Variants in FRMD4A observed in about 807,000 individuals in gnomAD.
FRMD4A encodes the protein FERM domain-containing protein 4A.
A neutral mutation model predicts 129.1 loss-of-function variants in FRMD4A; 29 were observed. The observed-to-expected ratio is 0.22, with a 90% confidence interval of 0.17 to 0.31. The LOEUF is 0.31. Among genes scored for constraint, FRMD4A ranks in the 10% least tolerant of loss-of-function variants. FRMD4A has a pLI of 1.00. For synonymous variants in FRMD4A, 634 were observed against 571.6 expected, an observed-to-expected ratio of 1.11 and a Z score of -1.56; for missense variants, 1,272 against 1,375.8, an observed-to-expected ratio of 0.92 and a Z score of 1.19.
intron 2 of FRMD4A, among the ~76,000 whole-genome samples, chr10:14,199,057 T>C (rs1398868752): frequency 6.6e-6 from 1 of 152,116 alleles, no homozygotes; most frequent in African/African-American, 2.4e-5. Context: ...TTAAAATTAA[T>C]TATCCTTTCT....
At chr10:14,169,991 A>C (rs751224872) in intron 2 of FRMD4A, among the ~76,000 whole-genome samples, 1 of 152,162 alleles carries the variant, frequency 6.6e-6, no homozygotes, top group African/African-American at 2.4e-5. Context: ...TGTACAAGCA[A>C]GGTGGAACAC....
At chr10:13,778,851 T>C (rs10752325) in intron 6 of FRMD4A, among the ~76,000 whole-genome samples, 152,054 of 152,272 alleles carry the variant, frequency 1, 75,919 homozygotes, top group Middle Eastern at 1. Context: ...GATAAAAGGC[T>C]GCATCTATCT....
At chr10:13,723,923 T>C (rs4750400) in intron 12 of FRMD4A, among the ~76,000 whole-genome samples, 67,718 of 152,120 alleles carry the variant, frequency 0.45, 16,167 homozygotes, top group South Asian at 0.63. Flanking sequence ...TTTGAAGCTT[T>C]GATTGTCATA....
chr10:13,663,599 A>C, intron 18 of FRMD4A, 90 bp from the exon 19 acceptor site: 6 of 746,536 alleles, frequency 8.0e-6, no homozygotes, highest in Non-Finnish European at 1.5e-5. Flanking sequence ...CTACCACCTC[A>C]TACCTTTCTC....
intron 2 of FRMD4A, among the ~76,000 whole-genome samples, chr10:14,089,489 G>T (rs1333087653): frequency 6.6e-6 from 1 of 152,034 alleles, no homozygotes; most frequent in Non-Finnish European, 1.5e-5. Flanking sequence ...GGGCCAGCCC[G>T]TTCTATGTTT....
chr10:14,267,640 G>A (rs1845023421), intron 2 of FRMD4A, among the ~76,000 whole-genome samples: 1 of 152,176 alleles, frequency 6.6e-6, no homozygotes, highest in Non-Finnish European at 1.5e-5. Flanking sequence ...TAGAATACAT[G>A]AATTTAAAAC....
At chr10:13,715,477 C>A (rs2088689036) in intron 12 of FRMD4A, among the ~76,000 whole-genome samples, 1 of 152,162 alleles carries the variant, frequency 6.6e-6, no homozygotes, top group South Asian at 2.1e-4. Context: ...GTATTCTCAG[C>A]AATTGAATTT....
At chr10:13,898,687 G>T (rs540953780) in intron 2 of FRMD4A, among the ~76,000 whole-genome samples, 6 of 152,168 alleles carry the variant, frequency 3.9e-5, no homozygotes, top group Non-Finnish European at 7.3e-5. Context: ...CTTTGCTAGG[G>T]TCTCACTATT....
At chr10:14,309,928 C>T (rs1426293515) in intron 2 of FRMD4A, among the ~76,000 whole-genome samples, 1 of 151,326 alleles carries the variant, frequency 6.6e-6, no homozygotes, top group Admixed American at 6.6e-5. Context: ...CCCCCACCGT[C>T]CCCTGCACCC....
At chr10:13,740,398 C>G in intron 10 of FRMD4A, 114 bp downstream of exon 10, 1 of 874,036 alleles carries the variant, frequency 1.1e-6, no homozygotes, top group Non-Finnish European at 1.9e-6. Flanking sequence ...TAAATGGAAA[C>G]ATACACCCCC....
intron 2 of FRMD4A, among the ~76,000 whole-genome samples, chr10:14,034,274 C>T (rs1038824410): frequency 2.0e-5 from 3 of 152,130 alleles, no homozygotes; most frequent in African/African-American, 7.2e-5. Flanking sequence ...CGGTACCCAG[C>T]TGGTTGTCTG....
chr10:13,683,485 T>C lies in FRMD4A; in HGVS notation c.1118-8441A>G, dbSNP rs572213984. 5.3e-5 allele frequency among the ~76,000 whole-genome samples: 8 copies of C among 151,838 alleles called. No individual in the cohort carries two copies. In the South Asian group the frequency reaches 1.7e-3, roughly 32 times the overall value. On this transcript the variant is annotated intron_variant, in intron 15 of 24. Coordinates refer to ENST00000357447, the MANE Select transcript of FRMD4A (RefSeq NM_018027.5). ...GGTGGTAAACGCCTGTAGTCCCAGC[T>C]GCCCAAAAGGCTGAGGCAGGAAGAT...
At chr10:13,810,732 G>A (rs2093430296) in intron 4 of FRMD4A, 82 bp downstream of exon 4, 9 of 659,262 alleles carry the variant, frequency 1.4e-5, no homozygotes, top group South Asian at 3.7e-5. Context: ...AGCTGATTTC[G>A]CTGCTAACAG....
chr10:14,295,548 A>T (rs1466352932), intron 2 of FRMD4A, among the ~76,000 whole-genome samples: 1 of 152,098 alleles, frequency 6.6e-6, no homozygotes, highest in Non-Finnish European at 1.5e-5. Flanking sequence ...CTCAGCTCAT[A>T]GTTTGTGGCA....
At chr10:14,323,618 G>T (rs1198426780) in intron 2 of FRMD4A, among the ~76,000 whole-genome samples, 1 of 152,024 alleles carries the variant, frequency 6.6e-6, no homozygotes, top group Non-Finnish European at 1.5e-5. Flanking sequence ...TGATAAAATA[G>T]CATCCTCCCT....
chr10:13,670,467 A>G lies in FRMD4A; in HGVS notation c.1313T>C (p.Val438Ala), dbSNP rs2083423317. 9.3e-6 allele frequency: 15 copies of G among 1,613,296 alleles called. No homozygotes were observed. Among genetic ancestry groups the G allele is most frequent in the Non-Finnish European group, 1.3e-5 (15 of 1,179,428 alleles). Residue 438 changes from valine (V) to alanine (A), a missense_variant, in exon 17 of 25, where the codon GTT (valine) becomes GCT (alanine). By Grantham distance (64) the Val-to-Ala change is moderately conservative. Around this residue, in one of 2 missense-constraint regions of FRMD4A, gnomAD observed 972 missense variants for 892.3 expected, o/e 1.09. Transcript: ENST00000357447. ...GAAGGCTGTTCCTATTCTTCTCCGA[A>G]CAATGGGTGGTTCCTCCCCTGGATC... Reference protein sequence around the residue: ...PLDPGEEPPIVRRRIGTAFKL... With the variant: ...PLDPGEEPPIARRRIGTAFKL...
At position 13,883,775 on chromosome 10, in the gene FRMD4A, G is replaced by A. The variant is rs764636076; in HGVS notation, c.46-24863C>T. ...TCAAATGACAGACACACTCCGCCCT[G>A]TCTAGGCAAAAGATGGCCATACGCT... On this transcript the variant is annotated intron_variant, in intron 2 of 24. Transcript: ENST00000357447. Among the ~76,000 whole-genome samples, 37 of 152,298 alleles carry A rather than the reference G, an allele frequency of 2.4e-4. 1 individual carries two copies. The highest frequency in any genetic ancestry group is 3.4e-3 in the Middle Eastern group (1 of 294).
intron 2 of FRMD4A, among the ~76,000 whole-genome samples, chr10:14,122,118 C>T (rs777084136): frequency 6.6e-6 from 1 of 152,208 alleles, no homozygotes; most frequent in African/African-American, 2.4e-5. Flanking sequence ...ATTACCTAAC[C>T]TCTCTAAGCT....
At chr10:14,159,302 A>G (rs1014755556) in intron 2 of FRMD4A, among the ~76,000 whole-genome samples, 6 of 152,228 alleles carry the variant, frequency 3.9e-5, no homozygotes, top group Non-Finnish European at 8.8e-5. Flanking sequence ...GCTACATTCA[A>G]CAGCATTTCT....
Sources: allele counts gnomAD v4.1 joint callset (sites outside exome capture counted in the v4.1 genomes callset), GRCh38; gene constraint gnomAD v4.1.1; regional missense constraint gnomAD v4.1.1; transcripts MANE v1.5; gene names NCBI Gene and HGNC (gene_info 2026-07-23, HGNC 2026-07-21).